The following CLSTN2 variants were observed in gnomAD, a reference collection of about 807,000 sequenced individuals.
CLSTN2 encodes the protein calsyntenin 2.
CLSTN2 carries 48 observed loss-of-function variants against 101.2 expected under a neutral mutation model. The observed-to-expected ratio is 0.47, with a 90% CI of 0.38 to 0.60. The LOEUF is 0.60. Ranked by LOEUF, CLSTN2 falls within the 20% of genes least tolerant of loss-of-function variation. The probability of loss-of-function intolerance (pLI) is 0.00; values close to 1 mark genes in which losing one functional copy is unlikely to be tolerated. For synonymous variants in CLSTN2, 481 were observed against 463.6 expected (o/e 1.04, Z -0.48); for missense variants, 1,160 against 1,238.2 (o/e 0.94, Z 0.95).
chr3:140,381,252 C>T (rs1008421327), intron 2 of CLSTN2, among the ~76,000 whole-genome samples: 1 of 152,138 alleles, frequency 6.6e-6, no homozygotes, highest in African/African-American at 2.4e-5. Context: ...TCCAAATTTC[C>T]CCTTTTGATA....
intron 2 of CLSTN2, among the ~76,000 whole-genome samples, chr3:140,225,684 G>A (rs531885999): frequency 6.6e-6 from 1 of 152,052 alleles, no homozygotes; most frequent in African/African-American, 2.4e-5. Flanking sequence ...TCTTAGTAGA[G>A]ATGGGGTTTC....
Position 140,466,601 on chromosome 3 carries a change from G to A in CLSTN2, c.1223-9G>A. ...CTCTCACTCTTCAAACCTTCTTTCTGCTTTTCAGAAATGAACCGGCATCAC... is the reference window on the plus strand; with the variant it reads ...CTCTCACTCTTCAAACCTTCTTTCTACTTTTCAGAAATGAACCGGCATCAC... On this transcript the variant is annotated splice_polypyrimidine_tract_variant and intron_variant, in intron 7 of 16. Transcript: ENST00000458420. 6.2e-7 allele frequency: 1 copy of A among 1,614,098 alleles called. No individual in the cohort carries two copies. Among genetic ancestry groups the A allele is most frequent in the Admixed American group, 1.7e-5 (1 of 60,016 alleles).
chr3:140,351,167 C>T (rs953527517), intron 2 of CLSTN2, among the ~76,000 whole-genome samples: 1 of 151,786 alleles, frequency 6.6e-6, no homozygotes. Flanking sequence ...AAGAGCTTGT[C>T]AAAATAAAAT....
intron 4 of CLSTN2, among the ~76,000 whole-genome samples, chr3:140,420,103 A>G (rs1249127787): frequency 6.6e-6 from 1 of 151,710 alleles, no homozygotes; most frequent in Non-Finnish European, 1.5e-5. Flanking sequence ...CATGTTGGCC[A>G]GGCTGGTCTC....
chr3:139,940,045 A>T (rs1246001992), intron 1 of CLSTN2, among the ~76,000 whole-genome samples: 1 of 152,062 alleles, frequency 6.6e-6, no homozygotes, highest in African/African-American at 2.4e-5. Context: ...CTTCTGAGTG[A>T]CTTGCCTCTC....
chr3:140,281,527 C>T (rs569903903), intron 2 of CLSTN2, among the ~76,000 whole-genome samples: 6 of 152,230 alleles, frequency 3.9e-5, no homozygotes, highest in Non-Finnish European at 5.9e-5. Context: ...TCCAGAAACA[C>T]GTAGAGGAAG....
At chr3:140,405,584 G>A (rs1262579574) in intron 4 of CLSTN2, among the ~76,000 whole-genome samples, 1 of 152,110 alleles carries the variant, frequency 6.6e-6, no homozygotes, top group African/African-American at 2.4e-5. Flanking sequence ...CAACCCCAGT[G>A]AGAATGAAGA....
intron 1 of CLSTN2, among the ~76,000 whole-genome samples, chr3:140,020,589 T>C (rs2007293269): frequency 6.6e-6 from 1 of 152,168 alleles, no homozygotes; most frequent in Non-Finnish European, 1.5e-5. Flanking sequence ...AGTTCTGTCC[T>C]CATGCGTTCC....
chr3:140,182,927 G>A (rs1049601462), intron 2 of CLSTN2, among the ~76,000 whole-genome samples: 1 of 152,304 alleles, frequency 6.6e-6, no homozygotes, highest in East Asian at 1.9e-4. Context: ...ATGGAGGAAA[G>A]CTGAAGAGGT....
chr3:140,173,701 G>A (rs1457868536), intron 1 of CLSTN2, among the ~76,000 whole-genome samples: 1 of 152,206 alleles, frequency 6.6e-6, no homozygotes, highest in Non-Finnish European at 1.5e-5. Flanking sequence ...CTTGACTTCT[G>A]TGCACCTGCA....
intron 2 of CLSTN2, among the ~76,000 whole-genome samples, chr3:140,347,017 C>T (rs980576093): frequency 8.5e-5 from 13 of 152,250 alleles, no homozygotes; most frequent in Admixed American, 6.5e-4. Flanking sequence ...TTTTATTTTT[C>T]ACAACTTTTC....
chr3:140,422,754 C>T (rs574022790), intron 5 of CLSTN2, among the ~76,000 whole-genome samples: 1 of 152,270 alleles, frequency 6.6e-6, no homozygotes, highest in African/African-American at 2.4e-5. Flanking sequence ...CTCTGATTGG[C>T]TATAACACTA....
intron 1 of CLSTN2, among the ~76,000 whole-genome samples, chr3:140,039,494 T>G (rs2007720661): frequency 6.6e-6 from 1 of 152,232 alleles, no homozygotes; most frequent in South Asian, 2.1e-4. Flanking sequence ...TATTAATACT[T>G]GTGCTATTTA....
At chr3:139,951,262 G>A (rs769308) in intron 1 of CLSTN2, among the ~76,000 whole-genome samples, 15,910 of 152,128 alleles carry the variant, frequency 0.1, 965 homozygotes, top group East Asian at 0.15. Context: ...CTTACAGGCC[G>A]AAATTGCCTT....
At chr3:140,465,635 T>C (rs1194495790) in intron 7 of CLSTN2, among the ~76,000 whole-genome samples, 1 of 152,206 alleles carries the variant, frequency 6.6e-6, no homozygotes. Flanking sequence ...ATATACAGGA[T>C]GTACAGGAAT....
chr3:140,456,352 T>C (rs1933397894), intron 6 of CLSTN2, among the ~76,000 whole-genome samples: 1 of 152,206 alleles, frequency 6.6e-6, no homozygotes, highest in South Asian at 2.1e-4. Context: ...CCTAGGGCTC[T>C]TTATCTGTAA....
intron 1 of CLSTN2, among the ~76,000 whole-genome samples, chr3:139,971,275 C>A (rs1321442554): frequency 1.3e-5 from 2 of 152,108 alleles, no homozygotes; most frequent in South Asian, 2.1e-4. Flanking sequence ...AAAGAGCAGT[C>A]AATTATATTA....
At chr3:140,246,115 T>C (rs1458651031) in intron 2 of CLSTN2, among the ~76,000 whole-genome samples, 2 of 152,204 alleles carry the variant, frequency 1.3e-5, no homozygotes, top group Non-Finnish European at 2.9e-5. Flanking sequence ...CTTTAGCTTA[T>C]TTATGAACCA....
intron 2 of CLSTN2, among the ~76,000 whole-genome samples, chr3:140,346,924 C>T (rs1193649967): frequency 6.6e-6 from 1 of 152,138 alleles, no homozygotes; most frequent in African/African-American, 2.4e-5. Context: ...CACAGATTTC[C>T]CTGTAGTAGT....
Sources: allele counts gnomAD v4.1 joint callset (sites outside exome capture counted in the v4.1 genomes callset), GRCh38; gene constraint gnomAD v4.1.1; transcripts MANE v1.5; gene names NCBI Gene and HGNC (gene_info 2026-07-23, HGNC 2026-07-21).